FEZ1: variants seen among roughly 807,000 people sequenced by gnomAD.
The protein encoded by FEZ1 is fasciculation and elongation protein zeta-1.
In FEZ1, 20 loss-of-function variants were observed where a neutral mutation model predicts 49.3. The ratio of observed to expected loss-of-function variants is 0.41; its 90% confidence interval spans 0.29 to 0.59. The LOEUF is 0.59. Among genes scored for constraint, FEZ1 ranks in the 20% least tolerant of loss-of-function variants. FEZ1 has a pLI of 0.36. For synonymous variants in FEZ1, 170 were observed against 180.9 expected, an observed-to-expected ratio of 0.94 and a Z score of 0.48; for missense variants, 413 against 476.0, an observed-to-expected ratio of 0.87 and a Z score of 1.23.
At chr11:125,463,437 C>T in intron 4 of FEZ1, 47 bp downstream of exon 4, 1 of 1,121,564 alleles carries the variant, frequency 8.9e-7, no homozygotes, top group Non-Finnish European at 1.4e-6. Flanking sequence ...GACTTTTTCT[C>T]CATCAAAAGA....
intron 4 of FEZ1, among the ~76,000 whole-genome samples, chr11:125,462,128 CA>C (rs1957081356): frequency 6.6e-6 from 1 of 152,200 alleles, no homozygotes; most frequent in Admixed American, 6.5e-5. Flanking sequence ...CTTTCTATCA[CA>C]GATATGAAAA....
rs1591599001 is a variant in FEZ1, at chr11:125,481,866, G to A, written c.312-233C>T. On this transcript the variant is annotated intron_variant, in intron 2 of 9. Coordinates refer to ENST00000278919, the MANE Select transcript of FEZ1 (RefSeq NM_005103.5). ...CAGTGTGAAAGGTGTTTGCTTGAGG[G>A]AAGAGGAATTTCCTACCATTGAGAT... is the stretch of plus-strand genomic sequence containing the variant. 7.6e-6 allele frequency: 4 copies of A among 527,628 alleles called. No individual in the cohort carries two copies. In the East Asian group the frequency reaches 1.2e-4, roughly 15 times the overall value. 32.7% of individuals were successfully genotyped at this position (527,628 alleles called of 1,614,324 possible).
intron 7 of FEZ1, 60 bp downstream of exon 7, chr11:125,454,070 T>TG: frequency 8.2e-7 from 1 of 1,219,218 alleles, no homozygotes; most frequent in Admixed American, 1.9e-5. Context: ...CCTGCGTTGC[T>TG]GGGGAGGCCA....
chr11:125,465,851 CA>C (rs1409192459), intron 3 of FEZ1, among the ~76,000 whole-genome samples: 1 of 152,124 alleles, frequency 6.6e-6, no homozygotes, highest in Non-Finnish European at 1.5e-5. Context: ...TCCATCCTGC[CA>C]GACTTTGCTC....
At chr11:125,453,528 T>C (rs2135740515) in intron 7 of FEZ1, 1 of 152,378 alleles carries the variant, frequency 6.6e-6, no homozygotes, top group African/African-American at 2.4e-5. Context: ...GTGCCAGCCA[T>C]GTCTATTAGA....
chr11:125,445,285 A>G lies in FEZ1; in HGVS notation c.*810T>C, dbSNP rs1280940095. On this transcript the variant is annotated 3_prime_UTR_variant, in exon 10 of 10. Coordinates refer to ENST00000278919, the MANE Select transcript of FEZ1 (RefSeq NM_005103.5). The surrounding 1 kb of genome is among the most constrained non-coding windows in gnomAD (Gnocchi z 4.4). ...TACAGGAAACAAGTTGCAGTCCCCT[A>G]CGTTGGGAAAGCTCAGCAGAGCTGA... Among the ~76,000 whole-genome samples, 7 of 152,212 alleles carry G rather than the reference A, an allele frequency of 4.6e-5. No individual in the cohort carries two copies. Among genetic ancestry groups the G allele is most frequent in the Non-Finnish European group, 1.0e-4 (7 of 68,028 alleles).
At chr11:125,486,999 C>G (rs620475) in intron 2 of FEZ1, among the ~76,000 whole-genome samples, 1 of 151,990 alleles carries the variant, frequency 6.6e-6, no homozygotes, top group Non-Finnish European at 1.5e-5. Flanking sequence ...CAAATTATAC[C>G]TTATCTCGAA....
At chr11:125,477,970 G>A (rs1957246926) in intron 3 of FEZ1, among the ~76,000 whole-genome samples, 1 of 152,176 alleles carries the variant, frequency 6.6e-6, no homozygotes, top group Non-Finnish European at 1.5e-5. Context: ...TGCACTTACA[G>A]TGCATTACTT....
intron 3 of FEZ1, among the ~76,000 whole-genome samples, chr11:125,476,704 G>T (rs371046596): frequency 2.0e-5 from 3 of 152,266 alleles, no homozygotes; most frequent in African/African-American, 7.2e-5. Flanking sequence ...TAAAAAGAAG[G>T]ACTGGGAATC....
chr11:125,479,355 C>T (rs1957259678), intron 3 of FEZ1, among the ~76,000 whole-genome samples: 1 of 152,158 alleles, frequency 6.6e-6, no homozygotes, highest in Non-Finnish European at 1.5e-5. Context: ...AATTCTGAAA[C>T]ACTTAGAAAG....
chr11:125,460,584 C>T lies in FEZ1; in HGVS notation c.581G>A (p.Gly194Glu). 6.2e-7 allele frequency: 1 copy of T among 1,614,148 alleles called. No homozygotes were observed. The highest frequency in any genetic ancestry group is 8.5e-7 in the Non-Finnish European group (1 of 1,180,000). Residue 194 changes from glycine to glutamate, a missense_variant, in exon 5 of 10, where the codon GGA (glycine) becomes GAA (glutamate). By Grantham distance (98) the Gly-to-Glu change is moderately conservative (BLOSUM62 -2). Coordinates refer to ENST00000278919, the MANE Select transcript of FEZ1 (RefSeq NM_005103.5). ...CGAGTCTGCCTGGGAGGAAGTTTCT[C>T]CTCCATCCTCTTCTTCCAGAACCTC... is the stretch of plus-strand genomic sequence containing the variant. ...EEEVLEEEDGGETSSQADSVL... is the reference protein window; with the variant it reads ...EEEVLEEEDGEETSSQADSVL...
At chr11:125,468,972 C>T (rs1360170505) in intron 3 of FEZ1, 2 of 152,222 alleles carry the variant, frequency 1.3e-5, no homozygotes, top group East Asian at 3.9e-4. Flanking sequence ...ACTCAGAGCA[C>T]CAGGCCACCT....
In FEZ1 at chr11:125,443,196, G is replaced by A. The variant is rs1313487078; in HGVS notation, c.*2899C>T. On this transcript the variant is annotated 3_prime_UTR_variant, in exon 10 of 10. Transcript: ENST00000278919. ...CCGTGGCTCTCTGGCACACTTTGCG[G>A]AGTGCGGACATCCTAGACAGGACTT... is the stretch of plus-strand genomic sequence containing the variant. Among the ~76,000 whole-genome samples the A allele has an allele frequency of 2.0e-5, 3 of 152,184 alleles. No homozygotes were observed. Among genetic ancestry groups the A allele is most frequent in the Admixed American group, 6.5e-5 (1 of 15,286 alleles).
chr11:125,471,600 G>A (rs1462015626), intron 3 of FEZ1, among the ~76,000 whole-genome samples: 2 of 152,058 alleles, frequency 1.3e-5, no homozygotes, highest in Non-Finnish European at 1.5e-5. Flanking sequence ...GATGTACTCA[G>A]AGCTTCAAAA....
chr11:125,462,528 C>T (rs989790294), intron 4 of FEZ1, among the ~76,000 whole-genome samples: 3 of 152,126 alleles, frequency 2.0e-5, no homozygotes, highest in South Asian at 2.1e-4. Flanking sequence ...GTCTTGACTC[C>T]GAGTACAACG....
intron 4 of FEZ1, among the ~76,000 whole-genome samples, chr11:125,462,423 T>C (rs1386059272): frequency 1.3e-5 from 2 of 152,136 alleles, no homozygotes; most frequent in African/African-American, 2.4e-5. Flanking sequence ...AAATTTTGAG[T>C]GTTCTATGAA....
chr11:125,460,709 A>G, intron 4 of FEZ1, 43 bp from the exon 5 acceptor site: 1 of 1,569,772 alleles, frequency 6.4e-7, no homozygotes, highest in Non-Finnish European at 8.7e-7. Context: ...GTTCTCTGCT[A>G]GAGGGGCATT....
Position 125,445,897 on chromosome 11 carries a change from C to A in FEZ1, c.*198G>T. 1.6e-6 allele frequency: 1 copy of A among 640,810 alleles called. No homozygotes were observed. The allele number at this position is 640,810 out of a possible 1,614,324, so 39.7% of individuals were successfully genotyped here. A position where few individuals can be genotyped will look rare whatever the true frequency, so the allele number is the denominator to read the frequency against. ...CAAGGGGGAGGCACCATCACCGGCC[C>A]TGCCCCATCATGCATCCAATGATTA... On this transcript the variant is annotated 3_prime_UTR_variant, in exon 10 of 10. Transcript: ENST00000278919. This position sits in a 1 kb window ranked among gnomAD's most constrained non-coding sequence, Gnocchi z 4.4.
chr11:125,463,470 A>G lies in FEZ1; in HGVS notation c.498+14T>C. 1 of 1,501,390 alleles carries G rather than the reference A, an allele frequency of 6.7e-7. No homozygotes were observed. The highest frequency in any genetic ancestry group is 9.3e-7 in the Non-Finnish European group (1 of 1,078,234). 93.0% of individuals were successfully genotyped at this position (1,501,390 alleles called of 1,614,324 possible). A position where few individuals can be genotyped will look rare whatever the true frequency, so the allele number is the denominator to read the frequency against. On this transcript the variant is annotated intron_variant, in intron 4 of 9. Transcript: ENST00000278919. The stretch of plus-strand genomic sequence containing the variant: ...AGAACAAAAGGTCCCGATAACCTGG[A>G]GAGATACTTATACCTGATCTGCTGT...
Sources: gnomAD v4.1 joint callset for allele counts (sites outside exome capture counted in the v4.1 genomes callset) on GRCh38, gnomAD v4.1.1 for gene constraint, Gnocchi (gnomAD v3.1) non-coding constraint, MANE v1.5 for transcripts, NCBI Gene and HGNC (gene_info 2026-07-23, HGNC 2026-07-21) for gene names.